The following DST variants were observed in gnomAD, a reference collection of about 807,000 sequenced individuals.
The protein encoded by DST is dystonin, also known as bullous pemphigoid antigen.
In DST, 253 loss-of-function variants were observed where a neutral mutation model predicts 875.2. The observed-to-expected ratio is 0.29, with a 90% confidence interval of 0.26 to 0.32. DST has a LOEUF of 0.32. Among genes scored for constraint, DST ranks in the 10% least tolerant of loss-of-function variants. The pLI is 1.00. For synonymous variants in DST, 3,124 were observed against 3,197.1 expected (o/e 0.98, Z 0.77); for missense variants, 8,287 against 9,111.6 (o/e 0.91, Z 3.68).
chr6:56,763,543 G>A (rs893799611), intron 4 of DST, among the ~76,000 whole-genome samples: 4 of 152,050 alleles, frequency 2.6e-5, no homozygotes, highest in Admixed American at 1.3e-4. Context: ...ATGGTGGCAC[G>A]CACCTGTAGT....
intron 2 of DST, among the ~76,000 whole-genome samples, chr6:56,938,755 CT>C (rs1172008902): frequency 6.6e-6 from 1 of 152,160 alleles, no homozygotes; most frequent in Non-Finnish European, 1.5e-5. Flanking sequence ...CACTTCCACT[CT>C]TGCTGCTTTT....
intron 4 of DST, among the ~76,000 whole-genome samples, chr6:56,763,436 C>T (rs1257915730): frequency 6.6e-6 from 1 of 151,974 alleles, no homozygotes; most frequent in African/African-American, 2.4e-5. Flanking sequence ...CTTTGGGATG[C>T]TGAGGCAGAA....
At chr6:56,802,516 T>G (rs1016866716) in intron 4 of DST, among the ~76,000 whole-genome samples, 9 of 152,274 alleles carry the variant, frequency 5.9e-5, no homozygotes, top group Non-Finnish European at 1.2e-4. Flanking sequence ...CCTAGTAGGA[T>G]TCAACCACTG....
intron 5 of DST, among the ~76,000 whole-genome samples, chr6:56,727,093 CAA>C (rs1331343286): frequency 6.6e-6 from 1 of 152,212 alleles, no homozygotes; most frequent in Admixed American, 6.5e-5. Flanking sequence ...CCATTCTATT[CAA>C]AGTCACCCTC....
intron 5 of DST, among the ~76,000 whole-genome samples, chr6:56,718,763 G>C (rs2099403887): frequency 6.6e-6 from 1 of 152,158 alleles, no homozygotes; most frequent in South Asian, 2.1e-4. Flanking sequence ...CCACAACATG[G>C]ATGAACCTCA....
intron 4 of DST, among the ~76,000 whole-genome samples, chr6:56,831,669 C>T (rs369901515): frequency 6.6e-5 from 10 of 152,054 alleles, no homozygotes; most frequent in Admixed American, 3.3e-4. Context: ...GCCCTGATTC[C>T]TTAGCATATT....
rs2097404194 is a variant in DST, at chr6:56,555,826, T to C, written c.14655A>G (p.Glu4885=). The change falls in exon 60 of 104, where the codon GAA becomes GAG. Residue 4885 remains glutamate, a synonymous_variant. Coordinates refer to ENST00000680361, the MANE Select transcript of DST (RefSeq NM_001374736.1). The part of the protein sequence containing the change: ...QRQQVQILLQ[E]FATRKPQYEQ... ...CATATTGAGGTTTCCGAGTGGCGAA[T>C]TCTTGCAGCAAAATCTAAGGTAACA... 6.7e-6 allele frequency: 10 copies of C among 1,495,674 alleles called. No individual in the cohort carries two copies. The highest frequency in any genetic ancestry group is 1.8e-4 in the Middle Eastern group (1 of 5,566). 92.7% of individuals were successfully genotyped at this position (1,495,674 alleles called of 1,614,324 possible).
intron 70 of DST, 64 bp from the exon 71 acceptor site, chr6:56,517,369 A>G (rs1562507024): frequency 9.4e-6 from 15 of 1,589,326 alleles, no homozygotes; most frequent in Non-Finnish European, 1.3e-5. Context: ...AATGAAAACA[A>G]TTAGGCTAAG....
intron 2 of DST, among the ~76,000 whole-genome samples, chr6:56,904,364 T>G (rs1424051490): frequency 6.6e-6 from 1 of 152,200 alleles, no homozygotes; most frequent in Non-Finnish European, 1.5e-5. Context: ...TTACTAGGTG[T>G]GTGGTCTTGG....
chr6:56,863,613 G>A (rs1772444917), intron 3 of DST, among the ~76,000 whole-genome samples: 2 of 152,242 alleles, frequency 1.3e-5, no homozygotes, highest in East Asian at 1.9e-4. Flanking sequence ...TCCTGACCCT[G>A]AAATATTGCT....
At chr6:56,932,596 CT>C (rs1478702360) in intron 2 of DST, among the ~76,000 whole-genome samples, 6 of 152,080 alleles carry the variant, frequency 3.9e-5, no homozygotes, top group Non-Finnish European at 7.4e-5. Flanking sequence ...CCTGGTAACT[CT>C]AGTTTACTCA....
intron 24 of DST, 145 bp downstream of exon 24, chr6:56,635,444 G>C (rs1587358973): frequency 1.2e-6 from 1 of 825,476 alleles, no homozygotes; most frequent in East Asian, 2.7e-5. Flanking sequence ...GTTGCCAAAA[G>C]AATACTAAAA....
intron 4 of DST, chr6:56,742,369 T>C: frequency 6.2e-6 from 8 of 1,289,480 alleles, no homozygotes; most frequent in Non-Finnish European, 8.1e-6. Context: ...AGCAGTTCCC[T>C]AAACTCTCTC....
intron 5 of DST, among the ~76,000 whole-genome samples, chr6:56,716,233 A>C (rs1475751834): frequency 6.6e-6 from 1 of 152,256 alleles, no homozygotes; most frequent in African/African-American, 2.4e-5. Flanking sequence ...AACAGAACAG[A>C]GAGTCCAGAA....
intron 2 of DST, among the ~76,000 whole-genome samples, chr6:56,944,591 GAAGAATTAT>G (rs1360476406): frequency 6.6e-6 from 1 of 152,198 alleles, no homozygotes; most frequent in Non-Finnish European, 1.5e-5. Flanking sequence ...TGGTCTGTTT[GAAGAATTAT>G]AAGAAGTGTG....
chr6:56,463,701 C>G lies in DST; in HGVS notation c.22823G>C (p.Gly7608Ala), dbSNP rs934222974. 6.2e-7 allele frequency: 1 copy of G among 1,613,842 alleles called. No homozygotes were observed. Among genetic ancestry groups the G allele is most frequent in the African/African-American group, 1.3e-5 (1 of 74,896 alleles). The change falls in exon 101 of 104, where the codon GGT becomes GCT. Residue 7608 changes from glycine (G) to alanine (A), a missense_variant. Around this residue, in one of 10 missense-constraint regions of DST, gnomAD observed 64 missense variants for 86.2 expected, o/e 0.74. Coordinates refer to ENST00000680361, the MANE Select transcript of DST (RefSeq NM_001374736.1). ...GCCTCGGGGTCGGAAAGCAGCCATA[C>G]CCTGGCTGGCACCATCTGCTAAAAT... ...KFILADGASQGMAAFRPRGRR... is the reference protein window; with the variant it reads ...KFILADGASQAMAAFRPRGRR...
At chr6:56,776,275 G>A (rs1212891051) in intron 4 of DST, among the ~76,000 whole-genome samples, 2 of 152,170 alleles carry the variant, frequency 1.3e-5, no homozygotes, top group African/African-American at 4.8e-5. Context: ...AACAAGGAAA[G>A]TCTAAGAAAA....
intron 77 of DST, among the ~76,000 whole-genome samples, chr6:56,505,679 C>T (rs1325483903): frequency 6.6e-6 from 1 of 151,806 alleles, no homozygotes; most frequent in Admixed American, 6.6e-5. Flanking sequence ...AAATAATATT[C>T]ACTTAGTGTT....
chr6:56,608,846 T>C lies in DST; in HGVS notation c.5782A>G (p.Lys1928Glu). The change falls in exon 40 of 104, where the codon AAG becomes GAG. Residue 1928 changes from lysine (K) to glutamate (E), a missense_variant. Lys to Glu is a moderately conservative substitution (Grantham distance 56). Transcript: ENST00000680361. ...KDLIDPCTSE[K>E]VSLIDMVQRS... The stretch of plus-strand genomic sequence containing the variant: ...TGTACCATATCTATTAAAGAAACCT[T>C]CTCAGAGGTGCAGGGGTCAATAAGA... The C allele has an allele frequency of 1.9e-6, 3 of 1,613,038 alleles. No homozygotes were observed. The highest frequency in any genetic ancestry group is 1.1e-5 in the South Asian group (1 of 91,020).
Sources: gnomAD v4.1 joint callset for allele counts (sites outside exome capture counted in the v4.1 genomes callset) on GRCh38, gnomAD v4.1.1 for gene constraint, gnomAD v4.1.1 regional missense constraint, MANE v1.5 for transcripts, NCBI Gene and HGNC (gene_info 2026-07-23, HGNC 2026-07-21) for gene names.